Variants in TENM1 observed in about 807,000 individuals in gnomAD.
TENM1 encodes teneurin transmembrane protein 1.
A neutral mutation model predicts 174.8 loss-of-function variants in TENM1; 35 were observed. The observed-to-expected ratio is 0.20, with a 90% CI of 0.15 to 0.27. The LOEUF (loss-of-function observed/expected upper bound fraction) is 0.27. Among genes scored for constraint, TENM1 ranks in the 10% least tolerant of loss-of-function variants. The pLI is 1.00. For synonymous variants in TENM1, 781 were observed against 798.7 expected (o/e 0.98, Z 0.37); for missense variants, 1,633 against 2,130.1 (o/e 0.77, Z 4.59).
At chrX:125,054,554 T>C in the TENM1 span, among the ~76,000 whole-genome samples, 9 of 111,053 alleles carry the variant, frequency 8.1e-5, no homozygotes, top group South Asian at 3.1e-3. Context: ...TGTCTATAAA[T>C]AGCCAAATAA....
chrX:124,839,767 A>C (rs1190558965), intron 3 of TENM1, among the ~76,000 whole-genome samples: 1 of 112,320 alleles, frequency 8.9e-6, no homozygotes, highest in African/African-American at 3.2e-5. Flanking sequence ...ACCAAAAAAA[A>C]GTTATTTTAA....
chrX:124,650,406 T>C (rs984897351), intron 8 of TENM1, among the ~76,000 whole-genome samples: 5 of 110,774 alleles, frequency 4.5e-5, no homozygotes, highest in African/African-American at 1.3e-4. Context: ...TGTTGTTGTA[T>C]ATGAAACTGA....
At chrX:124,406,628 A>T (rs2060465644) in intron 25 of TENM1, 139 bp from the exon 29 acceptor site, 1 of 405,169 alleles carries the variant, frequency 2.5e-6, no homozygotes, top group Non-Finnish European at 4.2e-6. Flanking sequence ...AAGAAGAAGA[A>T]AAAGGTCAGA....
At chrX:124,502,768 C>G (rs1305209158) in intron 19 of TENM1, among the ~76,000 whole-genome samples, 1 of 112,269 alleles carries the variant, frequency 8.9e-6, no homozygotes, top group Non-Finnish European at 1.9e-5. Context: ...CAGAGTCCCA[C>G]ACTGGGACTA....
In TENM1 at chrX:124,384,079, G is replaced by T. The variant is rs186975273; in HGVS notation, c.6852C>A (p.Pro2284=). The T allele has an allele frequency of 2.0e-4, 238 of 1,210,020 alleles. 1 individual carries two copies. The East Asian group carries it at 5.5e-3, about 28-fold the overall frequency. Reference sequence around the variant, plus strand: ...GGTTGTACAAATGAGTAACTCTTATGGGGTTGGTAAGGTCTGCATAAAAGA... The same window carrying T: ...GGTTGTACAAATGAGTAACTCTTATTGGGTTGGTAAGGTCTGCATAAAAGA... The change falls in exon 30 of 32, where the codon CCC becomes CCA. Residue 2284 remains proline (P), a synonymous_variant. Transcript: ENST00000422452.
chrX:124,736,911 C>T (rs756141439), intron 4 of TENM1, 46 bp downstream of exon 7: 5 of 1,165,933 alleles, frequency 4.3e-6, no homozygotes, highest in Non-Finnish European at 5.7e-6. Context: ...TAGAACCATC[C>T]TCTGCCAATA....
At chrX:124,729,862 A>C (rs893936418) in intron 4 of TENM1, among the ~76,000 whole-genome samples, 2 of 111,224 alleles carry the variant, frequency 1.8e-5, no homozygotes, top group Non-Finnish European at 3.8e-5. Context: ...AGTATATTCT[A>C]TTTATTTATT....
At chrX:125,029,867 AT>A in the TENM1 span, among the ~76,000 whole-genome samples, 2 of 111,710 alleles carry the variant, frequency 1.8e-5, no homozygotes, top group Non-Finnish European at 3.8e-5. Context: ...ACTGATCACA[AT>A]TTAGGACCAA....
chrX:124,422,237 G>A (rs1221544150), intron 24 of TENM1, 35 bp downstream of exon 27: 14 of 1,175,555 alleles, frequency 1.2e-5, no homozygotes, highest in Non-Finnish European at 1.6e-5. Flanking sequence ...TCAAAACAGA[G>A]AGGGGAAGCT....
chrX:124,644,496 A>G (rs1438977863), intron 10 of TENM1, among the ~76,000 whole-genome samples: 2 of 110,054 alleles, frequency 1.8e-5, no homozygotes, highest in Non-Finnish European at 3.8e-5. Context: ...AAAACGTCTG[A>G]TTACTAGTAA....
chrX:125,027,531 C>T, the TENM1 span, among the ~76,000 whole-genome samples: 65 of 111,201 alleles, frequency 5.8e-4, no homozygotes, highest in South Asian at 0.014. Flanking sequence ...AAGAAACAAA[C>T]TGAAAGCCCA....
the TENM1 span, among the ~76,000 whole-genome samples, chrX:124,978,202 C>A: frequency 9.1e-6 from 1 of 109,308 alleles, no homozygotes; most frequent in Non-Finnish European, 1.9e-5. Context: ...ATTTCTACTT[C>A]TTTCTTGAAA....
the TENM1 span, among the ~76,000 whole-genome samples, chrX:125,111,227 A>T: frequency 9.0e-6 from 1 of 111,576 alleles, no homozygotes; most frequent in Non-Finnish European, 1.9e-5. Context: ...ATCAACATAC[A>T]TATGAACTTT....
chrX:124,583,966 G>A (rs1281388358), intron 11 of TENM1, among the ~76,000 whole-genome samples: 50 of 107,644 alleles, frequency 4.6e-4, no homozygotes, highest in East Asian at 1.2e-3. Flanking sequence ...GAAATGAAGC[G>A]AGAAGGGAAG....
intron 6 of TENM1, among the ~76,000 whole-genome samples, chrX:124,658,640 T>A (rs1378148876): frequency 8.9e-6 from 1 of 111,944 alleles, no homozygotes; most frequent in African/African-American, 3.2e-5. Flanking sequence ...AATCCTCTGA[T>A]ATGACACTGA....
intron 3 of TENM1, among the ~76,000 whole-genome samples, chrX:124,866,272 C>T (rs1295127050): frequency 8.9e-6 from 1 of 111,951 alleles, no homozygotes; most frequent in African/African-American, 3.2e-5. Context: ...CAAAACAAGT[C>T]TTCAAAACAT....
At chrX:124,801,188 C>G (rs955398640) in intron 3 of TENM1, among the ~76,000 whole-genome samples, 4 of 111,481 alleles carry the variant, frequency 3.6e-5, no homozygotes, top group Non-Finnish European at 7.5e-5. Flanking sequence ...ATAATATTGA[C>G]AGTGGGGTGT....
intron 31 of TENM1, 118 bp downstream of exon 34, chrX:124,382,552 T>C: frequency 3.0e-6 from 2 of 677,028 alleles, no homozygotes; most frequent in Non-Finnish European, 4.4e-6. Context: ...GTGCACGTTT[T>C]AGTGAATATT....
At chrX:124,975,819 G>T in the TENM1 span, among the ~76,000 whole-genome samples, 7 of 111,834 alleles carry the variant, frequency 6.3e-5, no homozygotes, top group Admixed American at 6.7e-4. Flanking sequence ...TTGCTGTGGT[G>T]GGCAAATGAT....
Sources: gnomAD v4.1 joint callset for allele counts (sites outside exome capture counted in the v4.1 genomes callset) on GRCh38, gnomAD v4.1.1 for gene constraint, MANE v1.5 for transcripts, NCBI Gene and HGNC (gene_info 2026-07-23, HGNC 2026-07-21) for gene names.